GREM2: variants seen among roughly 807,000 people sequenced by gnomAD.
GREM2 encodes gremlin-2.
A neutral mutation model predicts 14.2 loss-of-function variants in GREM2; 11 were observed. The ratio of observed to expected loss-of-function variants is 0.78; its 90% confidence interval spans 0.49 to 1.28. The LOEUF is 1.28. Ranked by LOEUF, GREM2 falls within the 50% of genes most tolerant of loss-of-function variation. The probability of loss-of-function intolerance (pLI) is 0.00; values close to 1 mark genes in which losing one functional copy is unlikely to be tolerated. For missense variants in GREM2, 210 were observed against 218.5 expected, an observed-to-expected ratio of 0.96 and a Z score of 0.24; for synonymous variants, 98 against 97.6, an observed-to-expected ratio of 1.00 and a Z score of -0.02.
chr1:240,504,215 A>C (rs779423563), intron 1 of GREM2, among the ~76,000 whole-genome samples: 2 of 152,172 alleles, frequency 1.3e-5, no homozygotes, highest in Non-Finnish European at 2.9e-5. Flanking sequence ...CAGTACTAAT[A>C]ATTTTTGCAG....
intron 1 of GREM2, among the ~76,000 whole-genome samples, chr1:240,584,917 A>T (rs1442450900): frequency 2.0e-5 from 3 of 152,110 alleles, no homozygotes; most frequent in Non-Finnish European, 4.4e-5. Flanking sequence ...TCCCTGACAG[A>T]AGCTGAGGGA....
intron 1 of GREM2, among the ~76,000 whole-genome samples, chr1:240,550,884 TA>T (rs1474703471): frequency 2.6e-5 from 4 of 152,310 alleles, no homozygotes; most frequent in African/African-American, 9.6e-5. Flanking sequence ...CTACATCCTT[TA>T]AAATACACCC....
chr1:240,607,660 C>T (rs940399943), intron 1 of GREM2, among the ~76,000 whole-genome samples: 4 of 152,206 alleles, frequency 2.6e-5, no homozygotes, highest in Non-Finnish European at 5.9e-5. Context: ...CTATGTTGCT[C>T]TCAAGTAGTG....
At chr1:240,567,566 T>C (rs907269326) in intron 1 of GREM2, among the ~76,000 whole-genome samples, 1 of 152,138 alleles carries the variant, frequency 6.6e-6, no homozygotes, top group Non-Finnish European at 1.5e-5. Flanking sequence ...GAATTCAATA[T>C]TCAACAAAAT....
At chr1:240,522,281 G>A (rs1054018707) in intron 1 of GREM2, among the ~76,000 whole-genome samples, 20 of 152,086 alleles carry the variant, frequency 1.3e-4, no homozygotes, top group African/African-American at 4.8e-4. Context: ...GAATGCCAGG[G>A]AAAGCCGTGA....
intron 1 of GREM2, among the ~76,000 whole-genome samples, chr1:240,503,268 C>T (rs1677609087): frequency 1.3e-5 from 2 of 152,126 alleles, no homozygotes; most frequent in South Asian, 4.1e-4. Context: ...TTTATCTTCC[C>T]GTATATTAAG....
chr1:240,548,471 T>C (rs1228255426), intron 1 of GREM2, among the ~76,000 whole-genome samples: 1 of 152,202 alleles, frequency 6.6e-6, no homozygotes, highest in Non-Finnish European at 1.5e-5. Context: ...AAGTATATAT[T>C]GTATTACATT....
Position 240,553,023 on chromosome 1 carries a change from AT to A in GREM2, c.-2+58860del, listed in dbSNP as rs1202900645. Among the ~76,000 whole-genome samples, 13 of 152,278 alleles carry A rather than the reference AT, an allele frequency of 8.5e-5. No homozygotes were observed. The East Asian group carries it at 2.5e-3, about 29-fold the overall frequency. ...CTTTTTAAGAAAGGAATTCAGTGGTATTTCTGGCAGAAACTCTGTATTGGAA... is the reference window on the plus strand; with the variant it reads ...CTTTTTAAGAAAGGAATTCAGTGGTATTCTGGCAGAAACTCTGTATTGGAA... On this transcript the variant is annotated intron_variant, in intron 1 of 1. Transcript: ENST00000318160.
At chr1:240,608,105 C>T (rs565786443) in intron 1 of GREM2, among the ~76,000 whole-genome samples, 1 of 152,298 alleles carries the variant, frequency 6.6e-6, no homozygotes, top group South Asian at 2.1e-4. Flanking sequence ...ATGTTCTCAG[C>T]TATCAGATGT....
chr1:240,562,923 T>C (rs549049019), intron 1 of GREM2, among the ~76,000 whole-genome samples: 1 of 149,420 alleles, frequency 6.7e-6, no homozygotes. Context: ...TGTGAGTGTA[T>C]GTGTATGTGT....
rs192567401 is a variant in GREM2, at chr1:240,533,462, G to A, written c.-1-39986C>T. 3.3e-5 allele frequency among the ~76,000 whole-genome samples: 5 copies of A among 152,292 alleles called. No homozygotes were observed. In the East Asian group the frequency reaches 9.6e-4, roughly 29 times the overall value. On this transcript the variant is annotated intron_variant, in intron 1 of 1. Coordinates refer to ENST00000318160, the MANE Select transcript of GREM2 (RefSeq NM_022469.4). ...GAAGCCCTTGGTATCTCATGCTAATGTTATAGAACTCTATCCTGAAGAAAC... is the reference window on the plus strand; with the variant it reads ...GAAGCCCTTGGTATCTCATGCTAATATTATAGAACTCTATCCTGAAGAAAC...
intron 1 of GREM2, among the ~76,000 whole-genome samples, chr1:240,561,900 T>C (rs1228684200): frequency 6.6e-6 from 1 of 152,204 alleles, no homozygotes; most frequent in Non-Finnish European, 1.5e-5. Context: ...TTACAGAATC[T>C]TCAAATTGAG....
chr1:240,604,293 T>TTA (rs1302503874), intron 1 of GREM2, among the ~76,000 whole-genome samples: 1 of 138,570 alleles, frequency 7.2e-6, no homozygotes, highest in Non-Finnish European at 1.5e-5. Context: ...TAGATCAGCT[T>TTA]TATATAACTA....
In GREM2 at chr1:240,568,364, T is replaced by C. The variant is rs560168564; in HGVS notation, c.-2+43520A>G. On this transcript the variant is annotated intron_variant, in intron 1 of 1. Transcript: ENST00000318160. ...GCAATATGCCAACAAAGGAGATACATTGGATTCATAAAAAATTTATCAATC... is the reference window on the plus strand; with the variant it reads ...GCAATATGCCAACAAAGGAGATACACTGGATTCATAAAAAATTTATCAATC... 1.8e-4 allele frequency among the ~76,000 whole-genome samples: 28 copies of C among 152,234 alleles called. 1 individual carries two copies. In the South Asian group the frequency reaches 3.5e-3, roughly 19 times the overall value.
chr1:240,586,472 T>A (rs1313339343), intron 1 of GREM2, among the ~76,000 whole-genome samples: 1 of 152,200 alleles, frequency 6.6e-6, no homozygotes, highest in African/African-American at 2.4e-5. Context: ...GCTGCTTCTG[T>A]GCTTAGTGAA....
chr1:240,569,397 T>C (rs547652541), intron 1 of GREM2, among the ~76,000 whole-genome samples: 1 of 152,200 alleles, frequency 6.6e-6, no homozygotes, highest in Non-Finnish European at 1.5e-5. Context: ...AAAACTATTT[T>C]GAAAAAGAAT....
At chr1:240,561,994 C>T (rs1679049643) in intron 1 of GREM2, among the ~76,000 whole-genome samples, 1 of 152,048 alleles carries the variant, frequency 6.6e-6, no homozygotes, top group Non-Finnish European at 1.5e-5. Flanking sequence ...CTTGTTTCAA[C>T]AAGATGTCAA....
intron 1 of GREM2, among the ~76,000 whole-genome samples, chr1:240,557,887 C>T (rs1329598342): frequency 6.6e-6 from 1 of 150,436 alleles, no homozygotes; most frequent in Non-Finnish European, 1.5e-5. Flanking sequence ...GCAGATTATG[C>T]AGGTAAAGAA....
chr1:240,551,802 T>C (rs1678860194), intron 1 of GREM2, among the ~76,000 whole-genome samples: 1 of 152,138 alleles, frequency 6.6e-6, no homozygotes, highest in Non-Finnish European at 1.5e-5. Flanking sequence ...AGTGAGGATA[T>C]TGAGGACAAA....
Sources: allele counts gnomAD v4.1 joint callset (sites outside exome capture counted in the v4.1 genomes callset), GRCh38; gene constraint gnomAD v4.1.1; transcripts MANE v1.5; gene names NCBI Gene and HGNC (gene_info 2026-07-23, HGNC 2026-07-21).